The following TCFL5 variants were observed in gnomAD, a reference collection of about 807,000 sequenced individuals.
TCFL5 encodes the protein transcription factor-like 5 protein.
TCFL5 carries 9 observed loss-of-function variants against 44.3 expected under a neutral mutation model. The observed-to-expected ratio is 0.20, with a 90% CI of 0.12 to 0.35. The LOEUF is 0.35. TCFL5 is among the 10% of genes least tolerant of loss of function. The pLI is 1.00. For synonymous variants in TCFL5, 319 were observed against 271.6 expected (o/e 1.17, Z -1.72); for missense variants, 603 against 613.4 (o/e 0.98, Z 0.18).
At chr20:62,851,756 C>T in intron 5 of TCFL5, 1 of 985,430 alleles carries the variant, frequency 1.0e-6, no homozygotes, top group South Asian at 4.7e-5. Flanking sequence ...GACGAGCCCT[C>T]ACTCAACACA....
At chr20:62,852,759 G>T (rs2063828010) in intron 5 of TCFL5, 2 of 1,287,000 alleles carry the variant, frequency 1.6e-6, no homozygotes, top group South Asian at 2.5e-5. Context: ...GTCCGCAGAA[G>T]TATATTCACC....
At chr20:62,860,903 G>GC (rs1195462696) in intron 1 of TCFL5, 121 bp downstream of exon 1, 4 of 834,790 alleles carry the variant, frequency 4.8e-6, no homozygotes, top group Non-Finnish European at 5.8e-6. Flanking sequence ...CGCGCCCTGT[G>GC]CCGCCGGGAG....
intron 4 of TCFL5, among the ~76,000 whole-genome samples, chr20:62,855,671 C>T (rs2063877213): frequency 6.6e-6 from 1 of 152,182 alleles, no homozygotes; most frequent in Non-Finnish European, 1.5e-5. Flanking sequence ...GAGGCTGAGG[C>T]AGGAGAATCG....
At chr20:62,856,308 T>G (rs1372109378) in intron 4 of TCFL5, among the ~76,000 whole-genome samples, 2 of 130,084 alleles carry the variant, frequency 1.5e-5, no homozygotes, top group African/African-American at 5.5e-5. Context: ...TAGAAAAAAA[T>G]TAACCACTCT....
chr20:62,846,168 T>C (rs747352646), intron 5 of TCFL5: 66 of 1,156,784 alleles, frequency 5.7e-5, no homozygotes, highest in Middle Eastern at 7.5e-4. Flanking sequence ...AAGACGATAA[T>C]TTAAAAAAAA....
Position 62,860,308 on chromosome 20 carries a change from A to G in TCFL5, c.648T>C (p.Asn216=). 6.2e-7 allele frequency: 1 copy of G among 1,602,374 alleles called. No homozygotes were observed. The highest frequency in any genetic ancestry group is 1.3e-5 in the African/African-American group (1 of 74,884). The change falls in exon 2 of 6, where the codon AAT becomes AAC. Residue 216 remains asparagine, a splice_region_variant and synonymous_variant. Transcript: ENST00000335351. The part of the protein sequence containing the change: ...EPPEPGGALN[N]LVTLIRHPSE... Reference sequence around the variant, plus strand: ...ATGGATGTCGAATGAGAGTTACCAAACTGCCAAGACAAAAGAAAGCCCAGA... The same window carrying G: ...ATGGATGTCGAATGAGAGTTACCAAGCTGCCAAGACAAAAGAAAGCCCAGA...
At position 62,859,453 on chromosome 20, in the gene TCFL5, A is replaced by G. The variant is rs2063950833; in HGVS notation, c.905T>C (p.Phe302Ser). ...GGATTCAATTTCTTGCTGATAACAG[A>G]AAGAAAATGCTCTAGGCAATCCAAT... Reference protein sequence around the residue: ...QDIGLPRAFSFCYQQEIESTK... With the variant: ...QDIGLPRAFSSCYQQEIESTK... The change falls in exon 3 of 6, where the codon TTC (phenylalanine) becomes TCC (serine). Residue 302 changes from phenylalanine (F) to serine (S), a missense_variant. This residue lies in a region of TCFL5 where 540 missense variants were observed against 478.7 expected (regional missense o/e 1.13). Coordinates refer to ENST00000335351, the MANE Select transcript of TCFL5 (RefSeq NM_006602.4). The G allele has an allele frequency of 1.2e-6, 2 of 1,614,112 alleles. No homozygotes were observed. Among genetic ancestry groups the G allele is most frequent in the Non-Finnish European group, 1.7e-6 (2 of 1,179,968 alleles).
At chr20:62,857,775 T>G (rs2063917748) in intron 3 of TCFL5, 137 bp from the exon 4 acceptor site, 1 of 1,060,164 alleles carries the variant, frequency 9.4e-7, no homozygotes. Context: ...CACAAAGAGA[T>G]GTACTAATGC....
chr20:62,847,273 A>T (rs2063756119), intron 5 of TCFL5, among the ~76,000 whole-genome samples: 2 of 152,216 alleles, frequency 1.3e-5, no homozygotes, highest in South Asian at 4.1e-4. Flanking sequence ...AAAGCACACC[A>T]GGACAAATTT....
intron 5 of TCFL5, among the ~76,000 whole-genome samples, chr20:62,843,725 G>A (rs891662563): frequency 1.2e-4 from 18 of 152,146 alleles, no homozygotes; most frequent in East Asian, 1.9e-4. Flanking sequence ...CAGAAACTCC[G>A]TACCCATTAA....
At position 62,861,264 on chromosome 20, in the gene TCFL5, T is replaced by C; in HGVS notation, c.407A>G (p.Glu136Gly). The change falls in exon 1 of 6, where the codon GAG (glutamate) becomes GGG (glycine). Residue 136 changes from glutamate to glycine, a missense_variant. Glu to Gly is a moderately conservative substitution (Grantham distance 98, BLOSUM62 -2). Around this residue, in one of 4 missense-constraint regions of TCFL5, gnomAD observed 540 missense variants for 478.7 expected, o/e 1.13. Coordinates refer to ENST00000335351, the MANE Select transcript of TCFL5 (RefSeq NM_006602.4). This position sits in a 1 kb window ranked among gnomAD's most constrained non-coding sequence, Gnocchi z 4.0. ...FQELRMMLLS[E>G]AGAAEKTSGG... Reference sequence around the variant, plus strand: ...CGACGTCTTCTCCGCCGCGCCCGCCTCGCTTAGCAGCATCATGCGCAGCTC... The same window carrying C: ...CGACGTCTTCTCCGCCGCGCCCGCCCCGCTTAGCAGCATCATGCGCAGCTC... 8.3e-7 allele frequency: 1 copy of C among 1,209,796 alleles called. No homozygotes were observed. The allele number at this position is 1,209,796 out of a possible 1,614,324, so 74.9% of individuals were successfully genotyped here. A position where few individuals can be genotyped will look rare whatever the true frequency, so the allele number is the denominator to read the frequency against.
intron 5 of TCFL5, chr20:62,846,030 C>T (rs559755553): frequency 4.4e-6 from 6 of 1,359,596 alleles, no homozygotes; most frequent in South Asian, 3.7e-5. Flanking sequence ...GTTCTGTAGG[C>T]GTGTTGTGGA....
Position 62,860,119 on chromosome 20 carries a change from C to CCCTA in TCFL5, c.831+2_831+5dup. ...AGAGCAAAGCTTCACAAATCATGTT[C>CCCTA]CCTACCTGTGTCTGTGAAAGATTAG... On this transcript the variant is annotated splice_donor_region_variant and intron_variant, in intron 2 of 5. Coordinates refer to ENST00000335351, the MANE Select transcript of TCFL5 (RefSeq NM_006602.4). 3.7e-6 allele frequency: 6 copies of CCCTA among 1,600,724 alleles called. No homozygotes were observed. Among genetic ancestry groups the CCCTA allele is most frequent in the Non-Finnish European group, 5.1e-6 (6 of 1,169,324 alleles).
At position 62,859,444 on chromosome 20, in the gene TCFL5, T is replaced by G; in HGVS notation, c.914A>C (p.Gln305Pro). 6.2e-7 allele frequency: 1 copy of G among 1,614,158 alleles called. No individual in the cohort carries two copies. Among genetic ancestry groups the G allele is most frequent in the Non-Finnish European group, 8.5e-7 (1 of 1,180,020 alleles). The change falls in exon 3 of 6, where the codon CAG (glutamine) becomes CCG (proline). Residue 305 changes from glutamine to proline, a missense_variant. By Grantham distance (76) the Gln-to-Pro change is moderately conservative. This residue lies in a region of TCFL5 where 540 missense variants were observed against 478.7 expected (regional missense o/e 1.13). Coordinates refer to ENST00000335351, the MANE Select transcript of TCFL5 (RefSeq NM_006602.4). ...GLPRAFSFCYQQEIESTKQTL... is the reference protein window; with the variant it reads ...GLPRAFSFCYPQEIESTKQTL... ...CTGTTTAGTGGATTCAATTTCTTGC[T>G]GATAACAGAAAGAAAATGCTCTAGG...
At chr20:62,860,521 C>T (rs554426282) in intron 1 of TCFL5, among the ~76,000 whole-genome samples, 4 of 152,344 alleles carry the variant, frequency 2.6e-5, no homozygotes, top group Admixed American at 1.3e-4. Context: ...CTGCTCTCAT[C>T]ACATCCTGAC....
chr20:62,852,589 C>CT, intron 5 of TCFL5: 1 of 985,398 alleles, frequency 1.0e-6, no homozygotes, highest in South Asian at 4.7e-5. Context: ...TCCTGAGGGA[C>CT]TGCATATGCT....
At chr20:62,843,317 A>T (rs1263293741) in intron 5 of TCFL5, among the ~76,000 whole-genome samples, 1 of 152,216 alleles carries the variant, frequency 6.6e-6, no homozygotes, top group Non-Finnish European at 1.5e-5. Context: ...ATAAGGAGTG[A>T]AGGCTTTCAG....
Position 62,844,963 on chromosome 20 carries a change from G to A in TCFL5, c.1381-2866C>T, listed in dbSNP as rs957764371. ...AATTCAAGTCCAGGAGGACACAAGCGCCATGCTGCCATGGATTTAACTTCT... is the reference window on the plus strand; with the variant it reads ...AATTCAAGTCCAGGAGGACACAAGCACCATGCTGCCATGGATTTAACTTCT... On this transcript the variant is annotated intron_variant, in intron 5 of 5. Coordinates refer to ENST00000335351, the MANE Select transcript of TCFL5 (RefSeq NM_006602.4). 1.8e-5 allele frequency: 18 copies of A among 985,156 alleles called. No individual in the cohort carries two copies. The Admixed American group carries it at 1.8e-4, about 10-fold the overall frequency. The allele number at this position is 985,156 out of a possible 1,614,324, so 61.0% of individuals were successfully genotyped here.
Position 62,861,506 on chromosome 20 carries a change from C to T in TCFL5, c.165G>A (p.Thr55=). The T allele has an allele frequency of 1.7e-6, 2 of 1,195,552 alleles. No individual in the cohort carries two copies. Among genetic ancestry groups the T allele is most frequent in the East Asian group, 4.0e-5 (1 of 24,752 alleles). The allele number at this position is 1,195,552 out of a possible 1,614,324, so 74.1% of individuals were successfully genotyped here. A position where few individuals can be genotyped will look rare whatever the true frequency, so the allele number is the denominator to read the frequency against. ...GCGAGCAGAGGATGTGCTGCAGCTG[C>T]GTGTACTCCACCTCCGTCATCTCCA... is the stretch of plus-strand genomic sequence containing the variant. ...SLVEMTEVEY[T]QLQHILCSHM... The change falls in exon 1 of 6, where the codon ACG becomes ACA. Residue 55 remains threonine, a synonymous_variant. Transcript: ENST00000335351. This position sits in a 1 kb window ranked among gnomAD's most constrained non-coding sequence, Gnocchi z 4.0.
Sources: gnomAD v4.1 joint callset for allele counts (sites outside exome capture counted in the v4.1 genomes callset) on GRCh38, gnomAD v4.1.1 for gene constraint, gnomAD v4.1.1 regional missense constraint, Gnocchi (gnomAD v3.1) non-coding constraint, MANE v1.5 for transcripts, NCBI Gene and HGNC (gene_info 2026-07-23, HGNC 2026-07-21) for gene names.